Variants in AR observed in about 807,000 individuals in gnomAD.
The protein encoded by AR is dihydrotestosterone receptor.
Under a neutral mutation model 53.9 loss-of-function variants are expected in AR, and 8 were observed. That is an observed-to-expected ratio of 0.15 (90% CI 0.09 to 0.27). The LOEUF (loss-of-function observed/expected upper bound fraction) is 0.27, where lower values mean the gene tolerates loss of function less well. Ranked by LOEUF, AR falls within the 10% of genes least tolerant of loss-of-function variation. The pLI, the probability that AR is intolerant of heterozygous loss-of-function variation, is 1.00. For synonymous variants in AR, 359 were observed against 316.4 expected (o/e 1.13, Z -1.43); for missense variants, 639 against 742.5 (o/e 0.86, Z 1.62).
intron 7 of AR, among the ~76,000 whole-genome samples, chrX:67,723,304 TTGTC>T (rs1156581229): frequency 6.1e-5 from 3 of 49,078 alleles, no homozygotes; most frequent in African/African-American, 2.6e-4. Flanking sequence ...TCATGTGAGT[TTGTC>T]TGTCTGTGTG....
At chrX:67,601,868 A>T (rs1299370645) in intron 1 of AR, among the ~76,000 whole-genome samples, 1 of 111,828 alleles carries the variant, frequency 8.9e-6, no homozygotes, top group African/African-American at 3.2e-5. Context: ...CATTTTACAG[A>T]TGTTGAAATT....
At chrX:67,663,114 G>T (rs1321190363) in intron 2 of AR, among the ~76,000 whole-genome samples, 2 of 111,556 alleles carry the variant, frequency 1.8e-5, no homozygotes, top group African/African-American at 6.5e-5. Context: ...GGAGCATTTA[G>T]CCCATTTACA....
intron 3 of AR, chrX:67,696,129 G>T (rs1267548693): frequency 2.4e-5 from 17 of 723,041 alleles, no homozygotes; most frequent in Admixed American, 1.3e-4. Context: ...GTTAACATTG[G>T]ATCTTTTTTC....
At chrX:67,550,862 A>T (rs372174675) in intron 1 of AR, among the ~76,000 whole-genome samples, 2 of 108,109 alleles carry the variant, frequency 1.8e-5, no homozygotes, top group African/African-American at 6.8e-5. Context: ...TTCTCAGGGT[A>T]TTTTTCTTAT....
At chrX:67,690,228 C>T (rs2075988490) in intron 3 of AR, among the ~76,000 whole-genome samples, 1 of 111,851 alleles carries the variant, frequency 8.9e-6, no homozygotes, top group East Asian at 2.8e-4. Context: ...AGGTGTCTTT[C>T]CTACTAGGAG....
chrX:67,645,330 G>A (rs2094485759), intron 2 of AR, among the ~76,000 whole-genome samples: 1 of 111,628 alleles, frequency 9.0e-6, no homozygotes, highest in Non-Finnish European at 1.9e-5. Flanking sequence ...TCCCACATGG[G>A]AGCTTTCTGC....
At position 67,567,839 on chromosome X, in the gene AR, G is replaced by A. The variant is rs112171386; in HGVS notation, c.1616+21077G>A. 4.5e-3 allele frequency among the ~76,000 whole-genome samples: 500 copies of A among 111,883 alleles called. 4 individuals carry two copies. The highest frequency in any genetic ancestry group is 0.015 in the African/African-American group (471 of 30,791). On this transcript the variant is annotated intron_variant, in intron 1 of 7. Coordinates refer to ENST00000374690, the MANE Select transcript of AR (RefSeq NM_000044.6). ...GGGCTTATAGATTTAAAGTGTAGCC[G>A]TTTTGATTACCACAAACTAAATCCT...
At chrX:67,580,512 G>A (rs1361561176) in intron 1 of AR, among the ~76,000 whole-genome samples, 3 of 111,373 alleles carry the variant, frequency 2.7e-5, no homozygotes, top group Non-Finnish European at 3.8e-5. Flanking sequence ...CCACAGGATG[G>A]AAAGTTGTTC....
At chrX:67,590,898 G>C (rs1922799445) in intron 1 of AR, among the ~76,000 whole-genome samples, 1 of 112,116 alleles carries the variant, frequency 8.9e-6, no homozygotes, top group East Asian at 2.8e-4. Context: ...AAATGCAAAT[G>C]ACAGGAAATT....
chrX:67,610,720 T>C (rs1044162048), intron 1 of AR, among the ~76,000 whole-genome samples: 7 of 112,054 alleles, frequency 6.2e-5, no homozygotes, highest in African/African-American at 1.9e-4. Flanking sequence ...CTTTCAATTG[T>C]ATGGCTGTCT....
chrX:67,573,813 G>A (rs1194094643), intron 1 of AR, among the ~76,000 whole-genome samples: 2 of 111,962 alleles, frequency 1.8e-5, no homozygotes, highest in African/African-American at 6.5e-5. Context: ...TGTAGACCAC[G>A]TGGTTTTACC....
At chrX:67,713,119 G>A (rs1251945953) in intron 4 of AR, among the ~76,000 whole-genome samples, 2 of 111,965 alleles carry the variant, frequency 1.8e-5, no homozygotes, top group Non-Finnish European at 3.8e-5. Flanking sequence ...GGGCTTTACA[G>A]TGAGGGGCCA....
intron 5 of AR, among the ~76,000 whole-genome samples, chrX:67,720,326 C>T (rs1364367564): frequency 1.9e-5 from 2 of 106,987 alleles, no homozygotes; most frequent in Admixed American, 2.0e-4. Context: ...CCATGAATTT[C>T]TTCTCTTTCC....
At chrX:67,597,310 T>G (rs946745593) in intron 1 of AR, among the ~76,000 whole-genome samples, 4 of 111,719 alleles carry the variant, frequency 3.6e-5, no homozygotes, top group African/African-American at 1.3e-4. Context: ...GCTCTGAGAC[T>G]GTAGTTTGCT....
rs1921790258 is a variant in AR, at chrX:67,571,018, T to C, written c.1616+24256T>C. Among the ~76,000 whole-genome samples the C allele has an allele frequency of 2.7e-5, 3 of 110,707 alleles. No individual in the cohort carries two copies. The Admixed American group carries it at 2.9e-4, about 11-fold the overall frequency. On this transcript the variant is annotated intron_variant, in intron 1 of 7. Coordinates refer to ENST00000374690, the MANE Select transcript of AR (RefSeq NM_000044.6). ...GAGAAGTTTAGCAGGACCAGATCTT[T>C]CCTTGTCCTGGGCTGCTGTGACCAT...
chrX:67,603,500 G>T (rs1328896526), intron 1 of AR, among the ~76,000 whole-genome samples: 1 of 111,788 alleles, frequency 8.9e-6, no homozygotes, highest in African/African-American at 3.3e-5. Context: ...AAGAAGGAAG[G>T]CATTCCAGCT....
At chrX:67,683,754 T>C (rs1256840020) in intron 2 of AR, among the ~76,000 whole-genome samples, 6 of 112,411 alleles carry the variant, frequency 5.3e-5, no homozygotes, top group Admixed American at 9.4e-5. Context: ...ACTGGGCTTT[T>C]GCACTTACTC....
At chrX:67,583,640 C>T (rs972016002) in intron 1 of AR, among the ~76,000 whole-genome samples, 5 of 111,728 alleles carry the variant, frequency 4.5e-5, no homozygotes, top group African/African-American at 6.5e-5. Flanking sequence ...GAGACTTATT[C>T]AGATTCAAGT....
chrX:67,643,258 T>C lies in AR; in HGVS notation c.1619T>C (p.Leu540Ser). The C allele has an allele frequency of 8.3e-7, 1 of 1,211,708 alleles. No individual in the cohort carries two copies. Among genetic ancestry groups the C allele is most frequent in the Non-Finnish European group, 1.1e-6 (1 of 895,328 alleles). The change falls in exon 2 of 8, where the codon TTG becomes TCG. Residue 540 changes from leucine (L) to serine (S), a missense_variant and splice_region_variant. Around this residue, in one of 5 missense-constraint regions of AR, gnomAD observed 423 missense variants for 377.0 expected, o/e 1.12. Transcript: ENST00000374690. ...ATTGGTTTTTTGTGTCTTTCCAGTT[T>C]GGAGACTGCCAGGGACCATGTTTTG... ...SYSGPYGDMRLETARDHVLPI... is the reference protein window; with the variant it reads ...SYSGPYGDMRSETARDHVLPI...
Sources: allele counts gnomAD v4.1 joint callset (sites outside exome capture counted in the v4.1 genomes callset), GRCh38; gene constraint gnomAD v4.1.1; regional missense constraint gnomAD v4.1.1; transcripts MANE v1.5; gene names NCBI Gene and HGNC (gene_info 2026-07-23, HGNC 2026-07-21).